Variants in CCBE1 observed in about 807,000 individuals in gnomAD.
CCBE1 encodes collagen and calcium binding EGF domains 1.
CCBE1 carries 37 observed loss-of-function variants against 50.0 expected under a neutral mutation model. The ratio of observed to expected loss-of-function variants is 0.74; its 90% confidence interval spans 0.57 to 0.97. The LOEUF (loss-of-function observed/expected upper bound fraction) is 0.97, where lower values mean the gene tolerates loss of function less well. Among genes scored for constraint, CCBE1 ranks in the 50% least tolerant of loss-of-function variants. The pLI is 0.00. For missense variants in CCBE1, 538 were observed against 523.8 expected, an observed-to-expected ratio of 1.03 and a Z score of -0.26; for synonymous variants, 234 against 203.7, an observed-to-expected ratio of 1.15 and a Z score of -1.27.
intron 2 of CCBE1, among the ~76,000 whole-genome samples, chr18:59,685,412 ACC>A (rs1175368057): frequency 1.3e-5 from 2 of 152,194 alleles, no homozygotes; most frequent in Non-Finnish European, 2.9e-5. Context: ...TCACCAAGGG[ACC>A]ACTGAGGGAC....
intron 2 of CCBE1, among the ~76,000 whole-genome samples, chr18:59,682,925 G>GCC (rs551481416): frequency 6.6e-6 from 1 of 152,058 alleles, no homozygotes; most frequent in African/African-American, 2.4e-5. Flanking sequence ...TTCTTCTTGT[G>GCC]CCCCCCCTTC....
At chr18:59,628,447 A>C (rs1211878837) in intron 2 of CCBE1, among the ~76,000 whole-genome samples, 1 of 152,050 alleles carries the variant, frequency 6.6e-6, no homozygotes, top group Non-Finnish European at 1.5e-5. Flanking sequence ...TGATGGAAAA[A>C]ATCTATCTTA....
intron 2 of CCBE1, among the ~76,000 whole-genome samples, chr18:59,584,218 G>C (rs2053139874): frequency 6.6e-6 from 1 of 151,944 alleles, no homozygotes; most frequent in South Asian, 2.1e-4. Flanking sequence ...GATGAAATTA[G>C]AAACCATCAT....
intron 2 of CCBE1, among the ~76,000 whole-genome samples, chr18:59,675,540 A>G (rs1387418247): frequency 6.6e-6 from 1 of 152,178 alleles, no homozygotes; most frequent in East Asian, 1.9e-4. Context: ...ACTTTTCTAC[A>G]AAGCCAAGGA....
intron 2 of CCBE1, among the ~76,000 whole-genome samples, chr18:59,627,550 G>A (rs2053801481): frequency 1.3e-5 from 2 of 152,144 alleles, no homozygotes; most frequent in African/African-American, 4.8e-5. Context: ...TTAAGATGAG[G>A]TCACACTGGC....
At chr18:59,625,723 A>G (rs988252510) in intron 2 of CCBE1, among the ~76,000 whole-genome samples, 1 of 152,144 alleles carries the variant, frequency 6.6e-6, no homozygotes, top group Non-Finnish European at 1.5e-5. Context: ...ATCAATCATT[A>G]TCACACCTAG....
intron 2 of CCBE1, among the ~76,000 whole-genome samples, chr18:59,566,513 C>G (rs1369957999): frequency 6.6e-6 from 1 of 152,186 alleles, no homozygotes; most frequent in Middle Eastern, 3.4e-3. Flanking sequence ...AACTTTAAAT[C>G]GCCAGATTTA....
At chr18:59,675,386 A>C (rs1422580988) in intron 2 of CCBE1, among the ~76,000 whole-genome samples, 1 of 152,172 alleles carries the variant, frequency 6.6e-6, no homozygotes, top group African/African-American at 2.4e-5. Context: ...ACTGAGCACT[A>C]TATGGGGAAA....
At chr18:59,627,668 G>C (rs2053803063) in intron 2 of CCBE1, among the ~76,000 whole-genome samples, 1 of 152,148 alleles carries the variant, frequency 6.6e-6, no homozygotes, top group African/African-American at 2.4e-5. Flanking sequence ...ACTGGAGTGA[G>C]CAGCTGTAAG....
At chr18:59,478,986 T>C (rs1444055849) in intron 3 of CCBE1, among the ~76,000 whole-genome samples, 1 of 152,184 alleles carries the variant, frequency 6.6e-6, no homozygotes, top group Non-Finnish European at 1.5e-5. Context: ...GTCACAGCTA[T>C]GGTTCAATGA....
chr18:59,544,429 TACAAAA>T (rs1053041135), intron 2 of CCBE1, among the ~76,000 whole-genome samples: 3 of 152,240 alleles, frequency 2.0e-5, no homozygotes, highest in African/African-American at 7.2e-5. Flanking sequence ...GCTTTTTCCT[TACAAAA>T]AGGACATGAT....
intron 2 of CCBE1, among the ~76,000 whole-genome samples, chr18:59,550,725 G>A (rs1055788152): frequency 6.6e-6 from 1 of 152,114 alleles, no homozygotes; most frequent in Admixed American, 6.5e-5. Context: ...AACTCATGGA[G>A]ACAGAAAAAT....
intron 1 of CCBE1, 119 bp downstream of exon 1, chr18:59,697,093 G>C (rs1361911029): frequency 1.0e-5 from 14 of 1,366,932 alleles, no homozygotes; most frequent in Non-Finnish European, 1.4e-5. Flanking sequence ...CTTATCCCCG[G>C]AGAAGTGAGG....
intron 2 of CCBE1, among the ~76,000 whole-genome samples, chr18:59,592,186 T>C (rs986418254): frequency 1.3e-5 from 2 of 152,184 alleles, no homozygotes; most frequent in Non-Finnish European, 2.9e-5. Context: ...ATCCTGCCTG[T>C]GAACAGCCAC....
intron 2 of CCBE1, among the ~76,000 whole-genome samples, chr18:59,643,186 T>A (rs1295166827): frequency 6.6e-6 from 1 of 152,130 alleles, no homozygotes; most frequent in Non-Finnish European, 1.5e-5. Flanking sequence ...ATTTTCCAAT[T>A]GCACGTTTCA....
chr18:59,608,272 C>T (rs1046267515), intron 2 of CCBE1, among the ~76,000 whole-genome samples: 1 of 152,186 alleles, frequency 6.6e-6, no homozygotes, highest in Non-Finnish European at 1.5e-5. Context: ...CTGTTATTTA[C>T]ACAATTCCTT....
intron 2 of CCBE1, among the ~76,000 whole-genome samples, chr18:59,662,938 A>G (rs2054304887): frequency 6.6e-6 from 1 of 152,238 alleles, no homozygotes; most frequent in Non-Finnish European, 1.5e-5. Context: ...AAAAAAATAA[A>G]CATATATAAG....
chr18:59,566,545 G>A (rs527255203), intron 2 of CCBE1, among the ~76,000 whole-genome samples: 1 of 152,164 alleles, frequency 6.6e-6, no homozygotes, highest in Non-Finnish European at 1.5e-5. Flanking sequence ...TGGTTTTCAG[G>A]CATTTGTTTG....
chr18:59,472,492 A>G (rs75158481), intron 3 of CCBE1, among the ~76,000 whole-genome samples: 2,799 of 152,278 alleles, frequency 0.018, 95 homozygotes, highest in African/African-American at 0.064. Flanking sequence ...ATCTCTTCTT[A>G]TAGACATTTT....
Sources: gnomAD v4.1 joint callset for allele counts (sites outside exome capture counted in the v4.1 genomes callset) on GRCh38, gnomAD v4.1.1 for gene constraint, MANE v1.5 for transcripts, NCBI Gene and HGNC (gene_info 2026-07-23, HGNC 2026-07-21) for gene names.